ANXA5: variants seen among roughly 807,000 people sequenced by gnomAD.
ANXA5 encodes annexin A5, also known as CBP-I.
ANXA5 carries 40 observed loss-of-function variants against 48.1 expected under a neutral mutation model. The ratio of observed to expected loss-of-function variants is 0.83; its 90% CI spans 0.65 to 1.08. ANXA5 has a LOEUF of 1.08. ANXA5 is among the 50% of genes least tolerant of loss of function. The pLI is 0.00. For synonymous variants in ANXA5, 113 were observed against 129.1 expected (o/e 0.88, Z 0.85); for missense variants, 357 against 376.8 (o/e 0.95, Z 0.44).
At chr4:121,684,824 A>G in intron 3 of ANXA5, 53 bp from the exon 4 acceptor site, 1 of 1,431,550 alleles carries the variant, frequency 7.0e-7, no homozygotes, top group Non-Finnish European at 9.8e-7. Flanking sequence ...ATACTCTCCC[A>G]ACGATCTTGG....
At chr4:121,679,516 T>C (rs1270901043) in intron 6 of ANXA5, among the ~76,000 whole-genome samples, 1 of 152,104 alleles carries the variant, frequency 6.6e-6, no homozygotes, top group East Asian at 1.9e-4. Flanking sequence ...TAAGTCCAAA[T>C]TCCTAATCCA....
chr4:121,677,858 A>G (rs1560825691), intron 8 of ANXA5, 36 bp downstream of exon 8: 3 of 1,537,314 alleles, frequency 2.0e-6, no homozygotes, highest in Non-Finnish European at 2.7e-6. Flanking sequence ...TCATTTCTAC[A>G]GCATAATAAA....
chr4:121,674,132 G>T (rs1724656624), intron 8 of ANXA5, among the ~76,000 whole-genome samples: 1 of 144,476 alleles, frequency 6.9e-6, no homozygotes, highest in Non-Finnish European at 1.5e-5. Flanking sequence ...AGTGAGCCTA[G>T]ATCATGGCAC....
chr4:121,686,391 T>A lies in ANXA5; in HGVS notation c.10-19A>T. The A allele has an allele frequency of 6.3e-7, 1 of 1,589,700 alleles. No individual in the cohort carries two copies. The highest frequency in any genetic ancestry group is 8.6e-7 in the Non-Finnish European group (1 of 1,157,902). ...TGAGAACCTAATTCACGAAACACAG[T>A]GGTATTATTCATATCATGACTAATA... On this transcript the variant is annotated intron_variant, in intron 2 of 12. Coordinates refer to ENST00000296511, the MANE Select transcript of ANXA5 (RefSeq NM_001154.4).
chr4:121,693,809 C>T (rs1014793623), intron 2 of ANXA5, among the ~76,000 whole-genome samples: 1 of 152,158 alleles, frequency 6.6e-6, no homozygotes, highest in Non-Finnish European at 1.5e-5. Flanking sequence ...CAAAAGTGAA[C>T]ATTAGCTCCA....
Position 121,678,438 on chromosome 4 carries a change from G to T in ANXA5, c.451C>A (p.Arg151=). 1.2e-6 allele frequency: 2 copies of T among 1,613,492 alleles called. No homozygotes were observed. Among genetic ancestry groups the T allele is most frequent in the Non-Finnish European group, 1.7e-6 (2 of 1,179,736 alleles). The change falls in exon 7 of 13, where the codon CGG becomes AGG. Residue 151 remains arginine, a synonymous_variant. Coordinates refer to ENST00000296511, the MANE Select transcript of ANXA5 (RefSeq NM_001154.4). ...ACCTGAAGGAGAACCACCAACATCCGCTGGTAGTACCCTGAAGTGTCCCCC... is the reference window on the plus strand; with the variant it reads ...ACCTGAAGGAGAACCACCAACATCCTCTGGTAGTACCCTGAAGTGTCCCCC... The part of the protein sequence containing the change: ...VVGDTSGYYQ[R]MLVVLLQANR...
At chr4:121,671,059 A>C (rs1560823479) in intron 10 of ANXA5, among the ~76,000 whole-genome samples, 2 of 152,220 alleles carry the variant, frequency 1.3e-5, no homozygotes, top group African/African-American at 4.8e-5. Flanking sequence ...ATTATTCTGA[A>C]TATTTAATTA....
chr4:121,696,691 T>A (rs562686923), intron 1 of ANXA5, 67 bp from the exon 2 acceptor site: 1 of 1,121,872 alleles, frequency 8.9e-7, no homozygotes, highest in Non-Finnish European at 1.2e-6. Flanking sequence ...CAAGCGCAGG[T>A]CCGCGGGGAC....
In ANXA5 at chr4:121,695,421, A is replaced by G. The variant is rs1363227183; in HGVS notation, c.9+1160T>C. On this transcript the variant is annotated intron_variant, in intron 2 of 12. Transcript: ENST00000296511. ...TGATAAAAAGTGAACTATAAATAAG[A>G]GACAGCATTGTTTTAGCAGTTAAAA... is the stretch of plus-strand genomic sequence containing the variant. Among the ~76,000 whole-genome samples, 3 of 152,232 alleles carry G rather than the reference A, an allele frequency of 2.0e-5. No homozygotes were observed. In the East Asian group the frequency reaches 5.8e-4, roughly 29 times the overall value.
chr4:121,695,073 C>T (rs2110494029), intron 2 of ANXA5, among the ~76,000 whole-genome samples: 1 of 152,302 alleles, frequency 6.6e-6, no homozygotes, highest in South Asian at 2.1e-4. Context: ...CAAGAAACTG[C>T]TAAATGAGCA....
intron 5 of ANXA5, among the ~76,000 whole-genome samples, chr4:121,682,371 A>G (rs1358246718): frequency 1.3e-5 from 2 of 152,134 alleles, no homozygotes; most frequent in Non-Finnish European, 2.9e-5. Flanking sequence ...TGCTTTTAAA[A>G]ATCACATCTA....
intron 10 of ANXA5, 67 bp downstream of exon 10, chr4:121,671,480 A>G: frequency 8.6e-7 from 1 of 1,169,362 alleles, no homozygotes; most frequent in Non-Finnish European, 1.3e-6. Context: ...TTTCAGATGC[A>G]GCCTCAATTG....
Position 121,696,641 on chromosome 4 carries a change from A to G in ANXA5, c.-35-17T>C. On this transcript the variant is annotated splice_polypyrimidine_tract_variant and intron_variant, in intron 1 of 12. Transcript: ENST00000296511. ...GAAGCAGGACTGCAAAAGAGAAGAA[A>G]CCTCGGGCTTAGCGCGCCATTTGCA... 2 of 1,350,060 alleles carry G rather than the reference A, an allele frequency of 1.5e-6. No individual in the cohort carries two copies. The highest frequency in any genetic ancestry group is 3.0e-5 in the Admixed American group (1 of 33,762). 83.6% of individuals were successfully genotyped at this position (1,350,060 alleles called of 1,614,324 possible). A position where few individuals can be genotyped will look rare whatever the true frequency, so the allele number is the denominator to read the frequency against.
chr4:121,669,325 G>A, intron 12 of ANXA5: 1 of 317,018 alleles, frequency 3.2e-6, no homozygotes, highest in Non-Finnish European at 5.7e-6. Context: ...ATTATCATAG[G>A]CAAGGGGTTT....
At chr4:121,694,040 C>A (rs1238979095) in intron 2 of ANXA5, among the ~76,000 whole-genome samples, 3 of 132,964 alleles carry the variant, frequency 2.3e-5, no homozygotes, top group Admixed American at 8.8e-5. Context: ...TTCTGATGTT[C>A]ATGAGAACAC....
chr4:121,678,868 T>C (rs10008313), intron 6 of ANXA5, among the ~76,000 whole-genome samples: 10,500 of 152,262 alleles, frequency 0.069, 865 homozygotes, highest in African/African-American at 0.19. Context: ...AGCTTCCAAA[T>C]GTCTTCTATC....
chr4:121,670,547 A>C (rs999588478), intron 10 of ANXA5, among the ~76,000 whole-genome samples: 5 of 152,194 alleles, frequency 3.3e-5, no homozygotes, highest in Non-Finnish European at 7.3e-5. Flanking sequence ...AATATCAGAA[A>C]GGATCTCTTC....
intron 2 of ANXA5, among the ~76,000 whole-genome samples, chr4:121,692,037 T>C (rs1371778196): frequency 1.3e-5 from 2 of 152,154 alleles, no homozygotes; most frequent in East Asian, 1.9e-4. Flanking sequence ...AAAAAGTGAA[T>C]GATATAGTTC....
chr4:121,692,470 T>G (rs962858822), intron 2 of ANXA5, among the ~76,000 whole-genome samples: 4 of 152,248 alleles, frequency 2.6e-5, no homozygotes, highest in Non-Finnish European at 5.9e-5. Context: ...TGGCCTCCCA[T>G]GAGTTCACAT....
Sources: allele counts gnomAD v4.1 joint callset (sites outside exome capture counted in the v4.1 genomes callset), GRCh38; gene constraint gnomAD v4.1.1; transcripts MANE v1.5; gene names NCBI Gene and HGNC (gene_info 2026-07-23, HGNC 2026-07-21).